IL2RB: variants seen among roughly 807,000 people sequenced by gnomAD.
IL2RB encodes interleukin 2 receptor subunit beta.
Under a neutral mutation model 44.2 loss-of-function variants are expected in IL2RB, and 17 were observed. That is an observed-to-expected ratio of 0.38 (90% CI 0.26 to 0.58). The LOEUF is 0.58. Among genes scored for constraint, IL2RB ranks in the 20% least tolerant of loss-of-function variants. The probability of loss-of-function intolerance (pLI) is 0.63; values close to 1 mark genes in which losing one functional copy is unlikely to be tolerated. For synonymous variants in IL2RB, 286 were observed against 297.9 expected (o/e 0.96, Z 0.41); for missense variants, 624 against 685.5 (o/e 0.91, Z 1.00).
intron 9 of IL2RB, among the ~76,000 whole-genome samples, chr22:37,131,052 A>C (rs1419236655): frequency 6.6e-6 from 1 of 152,220 alleles, no homozygotes; most frequent in Non-Finnish European, 1.5e-5. Context: ...TTGTAGTCCC[A>C]GCTACTCGGG....
At chr22:37,144,520 G>A (rs3218352) in intron 1 of IL2RB, among the ~76,000 whole-genome samples, 4,348 of 152,274 alleles carry the variant, frequency 0.029, 108 homozygotes, top group South Asian at 0.081. Context: ...CGAGGCAGAC[G>A]AATCACCTGA....
chr22:37,174,551 G>T (rs1923390880), intron 1 of IL2RB, among the ~76,000 whole-genome samples: 1 of 152,138 alleles, frequency 6.6e-6, no homozygotes, highest in Non-Finnish European at 1.5e-5. Flanking sequence ...TGCTTGTACA[G>T]AACAAACCGG....
rs187172803 is a variant in IL2RB at position 37,134,646 on chromosome 22, T to C, written c.818+682A>G. Among the ~76,000 whole-genome samples, 4 of 152,208 alleles carry C rather than the reference T, an allele frequency of 2.6e-5. No homozygotes were observed. In the East Asian group the frequency reaches 7.7e-4, roughly 29 times the overall value. ...ATAAAATAAAACAAAAATCAGAGAC[T>C]TGAGTATCCACCAGCTTTGGTATCT... On this transcript the variant is annotated intron_variant, in intron 8 of 9. Coordinates refer to ENST00000216223, the MANE Select transcript of IL2RB (RefSeq NM_000878.5).
chr22:37,160,179 G>T (rs1394359918), intron 1 of IL2RB, among the ~76,000 whole-genome samples: 1 of 152,230 alleles, frequency 6.6e-6, no homozygotes, highest in Non-Finnish European at 1.5e-5. Context: ...ACAACCCAGT[G>T]TCTGACTGGC....
chr22:37,160,013 G>A (rs899223323), intron 1 of IL2RB, among the ~76,000 whole-genome samples: 2 of 152,232 alleles, frequency 1.3e-5, no homozygotes, highest in African/African-American at 4.8e-5. Flanking sequence ...CATTGCGAGG[G>A]CCACTGCATT....
intron 1 of IL2RB, among the ~76,000 whole-genome samples, chr22:37,159,739 C>T (rs1922795168): frequency 6.6e-6 from 1 of 152,208 alleles, no homozygotes; most frequent in Non-Finnish European, 1.5e-5. Flanking sequence ...CTGAACTGAG[C>T]CTGCAGAAGG....
chr22:37,154,681 T>C (rs1447104116), upstream of IL2RB, among the ~76,000 whole-genome samples: 1 of 151,624 alleles, frequency 6.6e-6, no homozygotes, highest in African/African-American at 2.4e-5. Context: ...GTTCAAACAA[T>C]TCTCCTGCCT....
intron 1 of IL2RB, among the ~76,000 whole-genome samples, chr22:37,167,116 T>C (rs982189602): frequency 6.6e-6 from 1 of 151,988 alleles, no homozygotes; most frequent in Non-Finnish European, 1.5e-5. Context: ...AAGCAATTTC[T>C]CACCTTCCCC....
chr22:37,161,349 T>C (rs1168277718), intron 1 of IL2RB, among the ~76,000 whole-genome samples: 1 of 152,198 alleles, frequency 6.6e-6, no homozygotes, highest in African/African-American at 2.4e-5. Context: ...CCTGGATATT[T>C]AGTTTACATC....
chr22:37,170,034 G>A (rs1923220393), intron 1 of IL2RB, among the ~76,000 whole-genome samples: 1 of 144,098 alleles, frequency 6.9e-6, no homozygotes, highest in Non-Finnish European at 1.5e-5. Context: ...AATGATGGAG[G>A]GAGAGAAGGA....
intron 3 of IL2RB, among the ~76,000 whole-genome samples, chr22:37,143,100 T>A (rs1364233462): frequency 6.6e-6 from 1 of 152,010 alleles, no homozygotes; most frequent in Non-Finnish European, 1.5e-5. Context: ...CCCAAACCAC[T>A]CCCAGGTTCC....
intron 4 of IL2RB, 99 bp downstream of exon 4, chr22:37,142,335 C>T: frequency 1.8e-6 from 2 of 1,109,262 alleles, no homozygotes; most frequent in Non-Finnish European, 2.7e-6. Flanking sequence ...AGCCATTGGG[C>T]CTCAGCTCTT....
intron 1 of IL2RB, among the ~76,000 whole-genome samples, chr22:37,162,244 C>A (rs1180316465): frequency 6.6e-6 from 1 of 152,126 alleles, no homozygotes; most frequent in East Asian, 1.9e-4. Context: ...GTCTGCGGGG[C>A]CTTGGAGTAG....
chr22:37,135,518 A>G (rs1921644168), intron 7 of IL2RB, 76 bp from the exon 8 acceptor site: 4 of 887,752 alleles, frequency 4.5e-6, no homozygotes, highest in Non-Finnish European at 7.4e-6. Context: ...GGTCACCCCA[A>G]CACCCCCATC....
chr22:37,166,331 C>T (rs1012286153), intron 1 of IL2RB, among the ~76,000 whole-genome samples: 2 of 152,238 alleles, frequency 1.3e-5, no homozygotes, highest in African/African-American at 4.8e-5. Flanking sequence ...AGCCACACGC[C>T]CCCTTTGAAG....
At chr22:37,143,899 G>T (rs1231621452) in intron 2 of IL2RB, among the ~76,000 whole-genome samples, 186 bp downstream of exon 2, 1 of 125,934 alleles carries the variant, frequency 7.9e-6, no homozygotes, top group Non-Finnish European at 1.6e-5. Context: ...GTGTGTGTGT[G>T]TGTGTGTGTG....
rs771604727 is a variant in IL2RB, at chr22:37,128,714, G to A, written c.1038C>T (p.Pro346=). The change falls in exon 10 of 10, where the codon CCC becomes CCT. Residue 346 remains proline, a synonymous_variant. Transcript: ENST00000216223. This position sits in a 1 kb window ranked among gnomAD's most constrained non-coding sequence, Gnocchi z 4.5. ...GCGAGTGGTTGCTGCTTAAGGATGC[G>A]GGCTCAGGCACCTTGTCCTGCTGCA... ...LLLQQDKVPE[P]ASLSSNHSLT... 11 of 1,614,032 alleles carry A rather than the reference G, an allele frequency of 6.8e-6. No individual in the cohort carries two copies. The highest frequency in any genetic ancestry group is 2.2e-5 in the South Asian group (2 of 91,078).
At position 37,173,395 on chromosome 22, in the gene IL2RB, C is replaced by G. The variant is rs567148081; in HGVS notation, c.-34+1563G>C. Among the ~76,000 whole-genome samples the G allele has an allele frequency of 3.3e-5, 5 of 152,234 alleles. No homozygotes were observed. In the South Asian group the frequency reaches 1.0e-3, roughly 32 times the overall value. On this transcript the variant is annotated intron_variant, in intron 1 of 5. Transcript: ENST00000429622. ...CCCTGTGCTTAGCACAGGGCCAAGC[C>G]TATAGAATAGGAATCAATCCATAAT...
At chr22:37,162,593 G>A (rs1428929571) in intron 1 of IL2RB, among the ~76,000 whole-genome samples, 1 of 152,136 alleles carries the variant, frequency 6.6e-6, no homozygotes, top group African/African-American at 2.4e-5. Flanking sequence ...GTGAGTGGCT[G>A]GTTTCACTTT....
Sources: allele counts gnomAD v4.1 joint callset (sites outside exome capture counted in the v4.1 genomes callset), GRCh38; gene constraint gnomAD v4.1.1; non-coding constraint Gnocchi (gnomAD v3.1); transcripts MANE v1.5; gene names NCBI Gene and HGNC (gene_info 2026-07-23, HGNC 2026-07-21).